The following PCDHA8 variants were observed in gnomAD, a reference collection of about 807,000 sequenced individuals.
PCDHA8 encodes protocadherin alpha 8, also known as protocadherin alpha-8.
PCDHA8 carries 53 observed loss-of-function variants against 61.8 expected under a neutral mutation model. That is an observed-to-expected ratio of 0.86 (90% CI 0.69 to 1.08). PCDHA8 has a LOEUF of 1.08. PCDHA8 is among the 50% of genes least tolerant of loss of function. The pLI is 0.00. For missense variants in PCDHA8, 1,293 were observed against 1,245.0 expected (o/e 1.04, Z -0.58); for synonymous variants, 618 against 556.6 (o/e 1.11, Z -1.55).
chr5:140,965,326 A>T (rs184855153), intron 1 of PCDHA8, among the ~76,000 whole-genome samples: 1 of 152,298 alleles, frequency 6.6e-6, no homozygotes, highest in African/African-American at 2.4e-5. Context: ...TACTGAAGTG[A>T]ATTTGTTGTC....
At chr5:140,852,024 C>A in intron 1 of PCDHA8, 1 of 949,532 alleles carries the variant, frequency 1.1e-6, no homozygotes, top group Non-Finnish European at 1.3e-6. Context: ...TTAAAAACTT[C>A]GCTTATTGAG....
At chr5:141,007,759 T>C (rs1392582275) in intron 3 of PCDHA8, among the ~76,000 whole-genome samples, 6 of 152,312 alleles carry the variant, frequency 3.9e-5, no homozygotes, top group Middle Eastern at 3.4e-3. Flanking sequence ...TGGACTCTTA[T>C]TGGCCTGGAA....
intron 1 of PCDHA8, among the ~76,000 whole-genome samples, chr5:140,937,688 G>A (rs112584533): frequency 0.018 from 2,711 of 151,860 alleles, 77 homozygotes; most frequent in African/African-American, 0.063. Context: ...TGAGGCAGGC[G>A]GATCACGAGG....
At position 140,858,115 on chromosome 5, in the gene PCDHA8, G is replaced by A. The variant is rs371261838; in HGVS notation, c.2394+14400G>A. 5.0e-6 allele frequency: 8 copies of A among 1,597,696 alleles called. 1 individual carries two copies. Among genetic ancestry groups the A allele is most frequent in the Non-Finnish European group, 6.9e-6 (8 of 1,167,654 alleles). ...CTTCAGTGGGCGTGGCGCCCGAGGT[G>A]GCCCTGGTGGATGTCAACGTGTACC... On this transcript the variant is annotated intron_variant, in intron 1 of 3. Transcript: ENST00000531613.
intron 1 of PCDHA8, among the ~76,000 whole-genome samples, chr5:140,924,409 T>C (rs1554201915): frequency 6.6e-6 from 1 of 152,186 alleles, no homozygotes; most frequent in Non-Finnish European, 1.5e-5. Flanking sequence ...TATATCACAG[T>C]GTGCCCTTTC....
chr5:141,005,034 T>C (rs1435712039), intron 3 of PCDHA8, among the ~76,000 whole-genome samples: 1 of 152,222 alleles, frequency 6.6e-6, no homozygotes, highest in Non-Finnish European at 1.5e-5. Flanking sequence ...ATTGCCCATA[T>C]GTGATACCAT....
At chr5:140,972,917 C>T (rs1279060017) in intron 1 of PCDHA8, among the ~76,000 whole-genome samples, 1 of 152,074 alleles carries the variant, frequency 6.6e-6, no homozygotes, top group Non-Finnish European at 1.5e-5. Context: ...CCGCCTTGGC[C>T]TCCCAAAGTG....
intron 1 of PCDHA8, among the ~76,000 whole-genome samples, chr5:140,932,061 T>G (rs1009983968): frequency 5.3e-5 from 8 of 152,046 alleles, no homozygotes; most frequent in African/African-American, 1.9e-4. Flanking sequence ...TACTAAAAAT[T>G]ATCAGTTTAA....
chr5:140,889,978 A>C (rs1326390288), intron 1 of PCDHA8, among the ~76,000 whole-genome samples: 1 of 152,202 alleles, frequency 6.6e-6, no homozygotes, highest in Non-Finnish European at 1.5e-5. Flanking sequence ...TCCAGTCTCC[A>C]GTTGTCTTAG....
intron 1 of PCDHA8, chr5:140,968,523 A>G (rs1441549667): frequency 8.1e-6 from 13 of 1,613,762 alleles, no homozygotes; most frequent in African/African-American, 1.3e-5. Flanking sequence ...ACCTCAACCA[A>G]CTCGTCAGCA....
Position 140,884,220 on chromosome 5 carries a change from T to G in PCDHA8, c.2394+40505T>G, listed in dbSNP as rs1469726535. 4 of 1,613,408 alleles carry G rather than the reference T, an allele frequency of 2.5e-6. No homozygotes were observed. The highest frequency in any genetic ancestry group is 3.4e-6 in the Non-Finnish European group (4 of 1,179,728). On this transcript the variant is annotated intron_variant, in intron 1 of 3. Transcript: ENST00000531613. ...CCGCACCACCGCCTTCTGGTGCTGG[T>G]GAAGGACCACGGTGAGCCCGCGCTG...
rs1554148991 is a variant in PCDHA8, at chr5:140,856,698, G to A, written c.2394+12983G>A. ...TTGTTGTTGACAGCAACTGATGGAG[G>A]CAAACCTGAATTTACCGGATCTGTT... On this transcript the variant is annotated intron_variant, in intron 1 of 3. Transcript: ENST00000531613. 3.8e-6 allele frequency: 6 copies of A among 1,596,626 alleles called. 1 individual carries two copies. In the African/African-American group the frequency reaches 8.1e-5, roughly 21 times the overall value.
In PCDHA8 at chr5:140,857,222, G is replaced by T. The variant is rs373834853; in HGVS notation, c.2394+13507G>T. ...GGTCACCTGCTCTCTGACGCCTCAC[G>T]TTCCGTTCAAGCTGGTGTCCACCTA... On this transcript the variant is annotated intron_variant, in intron 1 of 3. Coordinates refer to ENST00000531613, the MANE Select transcript of PCDHA8 (RefSeq NM_018911.3). 4 of 1,598,456 alleles carry T rather than the reference G, an allele frequency of 2.5e-6. No individual in the cohort carries two copies. Among genetic ancestry groups the T allele is most frequent in the African/African-American group, 2.7e-5 (2 of 74,394 alleles).
At chr5:140,993,667 C>T (rs2097576739) in intron 3 of PCDHA8, among the ~76,000 whole-genome samples, 1 of 152,052 alleles carries the variant, frequency 6.6e-6, no homozygotes, top group African/African-American at 2.4e-5. Context: ...AACAATGGAC[C>T]ACATATGTGA....
At chr5:140,917,498 G>A (rs1303014069) in intron 1 of PCDHA8, among the ~76,000 whole-genome samples, 2 of 152,204 alleles carry the variant, frequency 1.3e-5, no homozygotes, top group African/African-American at 4.8e-5. Context: ...TGCCCAGAAT[G>A]ATATTTTCTA....
chr5:140,927,169 T>A, intron 1 of PCDHA8: 1 of 1,614,172 alleles, frequency 6.2e-7, no homozygotes, highest in Non-Finnish European at 8.5e-7. Context: ...CAAAGCTGCC[T>A]GCGTCTTGAC....
intron 1 of PCDHA8, among the ~76,000 whole-genome samples, chr5:140,961,280 C>T (rs246003): frequency 7.2e-5 from 11 of 152,104 alleles, no homozygotes; most frequent in Non-Finnish European, 1.0e-4. Flanking sequence ...TACCATGGCT[C>T]TGTTTCTTGA....
rs2150454845 is a variant in PCDHA8 at position 140,849,865 on chromosome 5, A to C, written c.2394+6150A>C. On this transcript the variant is annotated intron_variant, in intron 1 of 3. Transcript: ENST00000531613. ...AACGACAACGCACCAGCGTTCGCGC[A>C]GTCCGAGTACACGGTGTTCGTGAAG... 1.4e-5 allele frequency: 23 copies of C among 1,598,572 alleles called. 3 individuals carry two copies. The highest frequency in any genetic ancestry group is 1.8e-5 in the Non-Finnish European group (21 of 1,167,972).
At chr5:140,854,178 A>ATT in intron 1 of PCDHA8, 1 of 531,178 alleles carries the variant, frequency 1.9e-6, no homozygotes, top group Non-Finnish European at 2.4e-6. Context: ...AAAAAAAAAG[A>ATT]GTAGTTTAAC....
Sources: allele counts gnomAD v4.1 joint callset (sites outside exome capture counted in the v4.1 genomes callset), GRCh38; gene constraint gnomAD v4.1.1; transcripts MANE v1.5; gene names NCBI Gene and HGNC (gene_info 2026-07-23, HGNC 2026-07-21).